The following HIVEP3 variants were observed in gnomAD, a reference collection of about 807,000 sequenced individuals.
HIVEP3 encodes the protein transcription factor HIVEP3.
A neutral mutation model predicts 152.8 loss-of-function variants in HIVEP3; 49 were observed. That is an observed-to-expected ratio of 0.32 (90% confidence interval 0.26 to 0.41). The LOEUF is 0.41. Ranked by LOEUF, HIVEP3 falls within the 10% of genes least tolerant of loss-of-function variation. The probability of loss-of-function intolerance (pLI) is 1.00; values close to 1 mark genes in which losing one functional copy is unlikely to be tolerated. For missense variants in HIVEP3, 2,790 were observed against 3,103.3 expected, an observed-to-expected ratio of 0.90 and a Z score of 2.40; for synonymous variants, 1,269 against 1,289.0, an observed-to-expected ratio of 0.98 and a Z score of 0.33.
chr1:41,888,131 G>T (rs1178406032), intron 1 of HIVEP3, among the ~76,000 whole-genome samples: 5 of 150,826 alleles, frequency 3.3e-5, no homozygotes, highest in African/African-American at 1.2e-4. Flanking sequence ...CGCCTCCTGG[G>T]TTCACGCCAT....
chr1:41,513,371 C>T lies in HIVEP3; in HGVS notation c.5850G>A (p.Val1950=), dbSNP rs1324560923. 6.2e-7 allele frequency: 1 copy of T among 1,612,224 alleles called. No homozygotes were observed. The highest frequency in any genetic ancestry group is 8.5e-7 in the Non-Finnish European group (1 of 1,179,610). The change falls in exon 8 of 9, where the codon GTG becomes GTA. Residue 1950 remains valine (V), a synonymous_variant. Coordinates refer to ENST00000372583, the MANE Select transcript of HIVEP3 (RefSeq NM_024503.5). The part of the protein sequence containing the change: ...PWLGPAPLGS[V]EKDTGSALSY... ...TCAAGGCTGAGCCTGTGTCTTTCTC[C>T]ACAGAGCCCAGAGGGGCCGGTCCCA...
At chr1:41,728,197 C>T (rs1198476909) in intron 1 of HIVEP3, among the ~76,000 whole-genome samples, 2 of 152,196 alleles carry the variant, frequency 1.3e-5, no homozygotes, top group Admixed American at 6.5e-5. Flanking sequence ...AGCTGTGCAA[C>T]CTTGAGCAAG....
intron 2 of HIVEP3, among the ~76,000 whole-genome samples, chr1:41,634,257 G>T (rs1252398164): frequency 6.6e-6 from 1 of 151,552 alleles, no homozygotes; most frequent in African/African-American, 2.4e-5. Flanking sequence ...GTGAAGTGAA[G>T]TCTAAACAAA....
chr1:41,512,901 C>T lies in HIVEP3; in HGVS notation c.6320G>A (p.Gly2107Glu). 6.3e-7 allele frequency: 1 copy of T among 1,581,168 alleles called. No homozygotes were observed. Among genetic ancestry groups the T allele is most frequent in the Non-Finnish European group, 8.6e-7 (1 of 1,163,670 alleles). The change falls in exon 8 of 9, where the codon GGG becomes GAG. Residue 2107 changes from glycine to glutamate, a missense_variant. By Grantham distance (98) the Gly-to-Glu change is moderately conservative (BLOSUM62 -2). Coordinates refer to ENST00000372583, the MANE Select transcript of HIVEP3 (RefSeq NM_024503.5). ...CGGGAAGAGAACCCGTGGGTCCAGC[C>T]CCAAGCCTGGGCCATGCTCCCCCGC... ...PSAGEHGPGL[G>E]LDPRVLFPPA...
At chr1:41,575,298 C>T (rs886107369) in intron 5 of HIVEP3, among the ~76,000 whole-genome samples, 3 of 152,188 alleles carry the variant, frequency 2.0e-5, no homozygotes, top group Non-Finnish European at 4.4e-5. Flanking sequence ...GAGAAAGACC[C>T]AGACCTCTCC....
At chr1:41,628,277 A>G (rs537958076) in intron 3 of HIVEP3, among the ~76,000 whole-genome samples, 8 of 152,152 alleles carry the variant, frequency 5.3e-5, no homozygotes, top group Non-Finnish European at 1.0e-4. Context: ...ACCTGCTGCT[A>G]TGTCTCTAAC....
At chr1:41,980,596 G>A (rs995721883) in intron 1 of HIVEP3, among the ~76,000 whole-genome samples, 10 of 152,258 alleles carry the variant, frequency 6.6e-5, no homozygotes, top group African/African-American at 1.7e-4. Context: ...TGGGGATGAC[G>A]GAAATATTCT....
chr1:41,532,219 G>T (rs1051526830), intron 5 of HIVEP3, among the ~76,000 whole-genome samples: 1 of 148,992 alleles, frequency 6.7e-6, no homozygotes, highest in African/African-American at 2.5e-5. Context: ...TGGAGGACAG[G>T]AGAGATGGAG....
chr1:41,959,464 C>T (rs1430091431), intron 1 of HIVEP3, among the ~76,000 whole-genome samples: 1 of 152,194 alleles, frequency 6.6e-6, no homozygotes, highest in Non-Finnish European at 1.5e-5. Context: ...TGCACAGGAA[C>T]ACATGACCAT....
intron 1 of HIVEP3, among the ~76,000 whole-genome samples, chr1:41,996,328 T>C (rs1314385670): frequency 4.0e-5 from 6 of 150,776 alleles, no homozygotes. Context: ...AGTTTGAGCT[T>C]GCAGTGAGCT....
intron 1 of HIVEP3, among the ~76,000 whole-genome samples, chr1:41,810,367 G>A (rs560605112): frequency 4.6e-5 from 7 of 152,226 alleles, no homozygotes; most frequent in African/African-American, 1.7e-4. Flanking sequence ...CTAGCATCAG[G>A]GCCCACTAGT....
chr1:41,741,253 C>G (rs1646992648), intron 1 of HIVEP3, among the ~76,000 whole-genome samples: 2 of 152,148 alleles, frequency 1.3e-5, no homozygotes, highest in South Asian at 4.1e-4. Flanking sequence ...CCCCTAGCAC[C>G]TTTGTCTTCC....
chr1:41,941,530 T>C (rs1261556950), intron 1 of HIVEP3, among the ~76,000 whole-genome samples: 1 of 152,132 alleles, frequency 6.6e-6, no homozygotes, highest in East Asian at 1.9e-4. Flanking sequence ...TGGCTTCAAT[T>C]TTCTACATAA....
In HIVEP3 at chr1:42,006,936, T is replaced by C. The variant is rs548451043; in HGVS notation, n.119+28871A>G. 2.6e-5 allele frequency among the ~76,000 whole-genome samples: 4 copies of C among 152,278 alleles called. No individual in the cohort carries two copies. In the South Asian group the frequency reaches 6.2e-4, roughly 24 times the overall value. ...AAACTGAGACTGAGAGAGAGGAAGT[T>C]CTATGATTTACCAAAGGTCACAGCA... is the stretch of plus-strand genomic sequence containing the variant. On this transcript the variant is annotated intron_variant and non_coding_transcript_variant, in intron 1 of 3. Transcript: ENST00000489103.
intron 5 of HIVEP3, among the ~76,000 whole-genome samples, chr1:41,557,148 C>T (rs1016858240): frequency 3.3e-5 from 5 of 152,134 alleles, no homozygotes; most frequent in Non-Finnish European, 7.3e-5. Flanking sequence ...CTGTTATACC[C>T]CCAACACCTA....
chr1:41,632,237 C>A (rs1441312859), intron 2 of HIVEP3, among the ~76,000 whole-genome samples: 2 of 152,166 alleles, frequency 1.3e-5, no homozygotes, highest in Non-Finnish European at 2.9e-5. Flanking sequence ...CTTTAGCGCC[C>A]AAGTTGGTTG....
At chr1:41,621,804 C>G (rs1175461672) in intron 3 of HIVEP3, among the ~76,000 whole-genome samples, 1 of 152,190 alleles carries the variant, frequency 6.6e-6, no homozygotes, top group East Asian at 1.9e-4. Context: ...AGGCCTAAGC[C>G]CCCAGGCCTG....
chr1:41,564,268 A>G (rs569909225), intron 5 of HIVEP3, among the ~76,000 whole-genome samples: 9 of 152,346 alleles, frequency 5.9e-5, no homozygotes, highest in African/African-American at 2.2e-4. Flanking sequence ...GTACTCAGAG[A>G]ATCCAGCAAA....
intron 1 of HIVEP3, among the ~76,000 whole-genome samples, chr1:41,884,755 G>A (rs1434449335): frequency 6.6e-6 from 1 of 152,136 alleles, no homozygotes; most frequent in African/African-American, 2.4e-5. Flanking sequence ...GGCTCCTCCT[G>A]GTCTACCGTC....
Sources: gnomAD v4.1 joint callset for allele counts (sites outside exome capture counted in the v4.1 genomes callset) on GRCh38, gnomAD v4.1.1 for gene constraint, MANE v1.5 for transcripts, NCBI Gene and HGNC (gene_info 2026-07-23, HGNC 2026-07-21) for gene names.